PMFBP1: variants seen among roughly 807,000 people sequenced by gnomAD.
The protein encoded by PMFBP1 is polyamine-modulated factor 1-binding protein 1.
PMFBP1 carries 131 observed loss-of-function variants against 137.8 expected under a neutral mutation model. That is an observed-to-expected ratio of 0.95 (90% CI 0.82 to 1.10). The LOEUF (loss-of-function observed/expected upper bound fraction) is 1.10, where lower values mean the gene tolerates loss of function less well. Ranked by LOEUF, PMFBP1 falls within the 50% of genes least tolerant of loss-of-function variation. The pLI is 0.00. For missense variants in PMFBP1, 1,199 were observed against 1,175.4 expected, an observed-to-expected ratio of 1.02 and a Z score of -0.29; for synonymous variants, 490 against 450.4, an observed-to-expected ratio of 1.09 and a Z score of -1.11.
In PMFBP1 at chr16:72,119,703, A is replaced by T. The variant is rs1272233043; in HGVS notation, c.3007+148T>A. The stretch of plus-strand genomic sequence containing the variant: ...CTTAATTTGCCTCCTCCCTTTACAG[A>T]TGTGAAAACAACGATCTTTGGTCCA... On this transcript the variant is annotated intron_variant, in intron 20 of 20. Transcript: ENST00000237353. 8.8e-6 allele frequency: 13 copies of T among 1,479,100 alleles called. No homozygotes were observed. The Admixed American group carries it at 2.4e-4, about 27-fold the overall frequency. The allele number at this position is 1,479,100 out of a possible 1,614,324, so 91.6% of individuals were successfully genotyped here. A position where few individuals can be genotyped will look rare whatever the true frequency, so the allele number is the denominator to read the frequency against.
chr16:72,152,706 G>A (rs1344501027), intron 4 of PMFBP1, among the ~76,000 whole-genome samples: 2 of 152,086 alleles, frequency 1.3e-5, no homozygotes, highest in African/African-American at 4.8e-5. Context: ...TTAGCCGGGT[G>A]TGGTGGTGCG....
upstream of PMFBP1, chr16:72,172,331 T>G (rs2043229984): frequency 6.6e-6 from 1 of 151,754 alleles, no homozygotes; most frequent in Admixed American, 6.6e-5. Flanking sequence ...CAAGTCTCAG[T>G]GGCTTACGAC....
chr16:72,123,513 G>A (rs749207985), intron 18 of PMFBP1, 33 bp downstream of exon 18: 36 of 1,600,912 alleles, frequency 2.2e-5, no homozygotes, highest in Non-Finnish European at 2.8e-5. Flanking sequence ...TCCAGGCCTC[G>A]GACCCTGCCT....
the PMFBP1 span, among the ~76,000 whole-genome samples, chr16:72,231,832 CT>C: frequency 6.8e-6 from 1 of 147,968 alleles, no homozygotes; most frequent in African/African-American, 2.5e-5. Flanking sequence ...ATTGACCTCA[CT>C]TTGAATAGCA....
the PMFBP1 span, among the ~76,000 whole-genome samples, chr16:72,189,799 C>G: frequency 1.6e-4 from 24 of 152,316 alleles, no homozygotes; most frequent in African/African-American, 7.2e-5. Flanking sequence ...TTAAATCAGT[C>G]TCCCTGATAA....
intron 3 of PMFBP1, among the ~76,000 whole-genome samples, chr16:72,158,324 A>T (rs1469801602): frequency 6.6e-6 from 1 of 152,184 alleles, no homozygotes; most frequent in Non-Finnish European, 1.5e-5. Context: ...AACAAAGCTA[A>T]ATTTTGTATT....
At chr16:72,193,786 T>G in the PMFBP1 span, among the ~76,000 whole-genome samples, 10 of 151,488 alleles carry the variant, frequency 6.6e-5, no homozygotes, top group African/African-American at 2.4e-4. Flanking sequence ...GAACAAAAAT[T>G]CAAACATCTG....
the PMFBP1 span, among the ~76,000 whole-genome samples, chr16:72,237,181 A>G: frequency 9.9e-5 from 15 of 152,100 alleles, no homozygotes; most frequent in Non-Finnish European, 1.6e-4. Context: ...TTCACAGCCA[A>G]CTCTAAATTC....
At chr16:72,173,455 G>C (rs952275006), upstream of PMFBP1, among the ~76,000 whole-genome samples, 6 of 152,208 alleles carry the variant, frequency 3.9e-5, no homozygotes, top group Non-Finnish European at 8.8e-5. Flanking sequence ...AGCTGTAGTT[G>C]CAAGAGCCAA....
chr16:72,249,773 T>A, the PMFBP1 span, among the ~76,000 whole-genome samples: 116 of 145,676 alleles, frequency 8.0e-4, no homozygotes, highest in Admixed American at 1.4e-3. Flanking sequence ...AAAAAAAAAA[T>A]ACCTGGGCGT....
chr16:72,173,029 G>C (rs771989340), upstream of PMFBP1, among the ~76,000 whole-genome samples: 3 of 152,186 alleles, frequency 2.0e-5, no homozygotes, highest in Non-Finnish European at 4.4e-5. Context: ...ATTAAAAATA[G>C]CGTGGCATAA....
chr16:72,118,757 G>C (rs1477073494), downstream of PMFBP1, among the ~76,000 whole-genome samples: 1 of 86,496 alleles, frequency 1.2e-5, no homozygotes. Context: ...GGAGCCCGGT[G>C]GTGGGCGGGG....
At chr16:72,140,903 C>A (rs907779917) in intron 5 of PMFBP1, among the ~76,000 whole-genome samples, 3 of 131,576 alleles carry the variant, frequency 2.3e-5, no homozygotes, top group African/African-American at 8.4e-5. Context: ...GCATAAAAAT[C>A]ACTTTTTTTC....
At chr16:72,248,029 G>C in the PMFBP1 span, among the ~76,000 whole-genome samples, 2 of 152,118 alleles carry the variant, frequency 1.3e-5, no homozygotes, top group Non-Finnish European at 2.9e-5. Context: ...GTATCGAACA[G>C]AAAGCTGTGA....
At chr16:72,249,328 T>C in the PMFBP1 span, among the ~76,000 whole-genome samples, 1 of 151,742 alleles carries the variant, frequency 6.6e-6, no homozygotes. Context: ...GGCGAATGTA[T>C]GGGGAGGAGT....
chr16:72,180,669 TA>T (rs112647802), upstream of PMFBP1, among the ~76,000 whole-genome samples: 484 of 141,868 alleles, frequency 3.4e-3, 2 homozygotes, highest in East Asian at 9.5e-3. Flanking sequence ...AGATCAATAG[TA>T]AAAAAAAAAA....
At chr16:72,228,268 T>C in the PMFBP1 span, among the ~76,000 whole-genome samples, 13 of 152,296 alleles carry the variant, frequency 8.5e-5, no homozygotes, top group African/African-American at 3.1e-4. Flanking sequence ...AATTTTGGCC[T>C]ACTGGGTGAA....
At chr16:72,212,221 G>A in the PMFBP1 span, among the ~76,000 whole-genome samples, 1 of 151,950 alleles carries the variant, frequency 6.6e-6, no homozygotes, top group East Asian at 1.9e-4. Flanking sequence ...AAGAGGAGGG[G>A]ATTATAGAAG....
the PMFBP1 span, among the ~76,000 whole-genome samples, chr16:72,195,078 C>G: frequency 6.6e-6 from 1 of 152,210 alleles, no homozygotes; most frequent in Non-Finnish European, 1.5e-5. Context: ...GTTCGGGTCT[C>G]CCTTGACAGA....
Sources: allele counts gnomAD v4.1 joint callset (sites outside exome capture counted in the v4.1 genomes callset), GRCh38; gene constraint gnomAD v4.1.1; transcripts MANE v1.5; gene names NCBI Gene and HGNC (gene_info 2026-07-23, HGNC 2026-07-21).